Variants in KHDRBS2 observed in about 807,000 individuals in gnomAD.
The protein encoded by KHDRBS2 is KH domain-containing, RNA-binding, signal transduction-associated protein 2.
A neutral mutation model predicts 44.3 loss-of-function variants in KHDRBS2; 26 were observed. The ratio of observed to expected loss-of-function variants is 0.59; its 90% CI spans 0.43 to 0.81. The LOEUF (loss-of-function observed/expected upper bound fraction) is 0.81, where lower values mean the gene tolerates loss of function less well. Among genes scored for constraint, KHDRBS2 ranks in the 40% least tolerant of loss-of-function variants. KHDRBS2 has a pLI of 0.00. For missense variants in KHDRBS2, 476 were observed against 433.1 expected, an observed-to-expected ratio of 1.10 and a Z score of -0.88; for synonymous variants, 194 against 151.1, an observed-to-expected ratio of 1.28 and a Z score of -2.08.
chr6:62,231,909 G>A (rs1168439817), intron 1 of KHDRBS2, among the ~76,000 whole-genome samples: 4 of 151,942 alleles, frequency 2.6e-5, no homozygotes, highest in Admixed American at 6.6e-5. Flanking sequence ...GAATTCTTAC[G>A]AAGCACTGTT....
chr6:62,059,626 A>G (rs1460242707), intron 2 of KHDRBS2, among the ~76,000 whole-genome samples: 1 of 151,752 alleles, frequency 6.6e-6, no homozygotes, highest in Non-Finnish European at 1.5e-5. Context: ...AACGTTAGAG[A>G]AAAAATTGGA....
chr6:61,851,997 G>A lies in KHDRBS2; in HGVS notation c.810+42638C>T, dbSNP rs571042937. On this transcript the variant is annotated intron_variant, in intron 6 of 8. Transcript: ENST00000281156. ...AGCACTTTGGGAGGCCGAGGCAGGC[G>A]GATCACCTGAGTTCAGGAGTTCAAG... 2.4e-4 allele frequency among the ~76,000 whole-genome samples: 37 copies of A among 152,058 alleles called. No homozygotes were observed. The Middle Eastern group carries it at 0.01, about 42-fold the overall frequency.
At chr6:61,711,452 G>C (rs1450706713) in intron 7 of KHDRBS2, among the ~76,000 whole-genome samples, 1 of 151,674 alleles carries the variant, frequency 6.6e-6, no homozygotes, top group Non-Finnish European at 1.5e-5. Flanking sequence ...AGATAAATGT[G>C]CATTTCTAGG....
At chr6:61,778,712 C>T (rs992983669) in intron 6 of KHDRBS2, among the ~76,000 whole-genome samples, 2 of 152,122 alleles carry the variant, frequency 1.3e-5, no homozygotes, top group Non-Finnish European at 2.9e-5. Flanking sequence ...TCCATCAGTC[C>T]TAAATGACAT....
intron 1 of KHDRBS2, among the ~76,000 whole-genome samples, chr6:62,196,297 C>A (rs1477830833): frequency 1.1e-4 from 17 of 152,118 alleles, no homozygotes; most frequent in Admixed American, 5.2e-4. Context: ...TCTACTATGA[C>A]AAATAGACCT....
At chr6:61,746,309 G>GC (rs1289986791) in intron 6 of KHDRBS2, among the ~76,000 whole-genome samples, 1 of 151,836 alleles carries the variant, frequency 6.6e-6, no homozygotes, top group Admixed American at 6.6e-5. Flanking sequence ...CCCTCCCCTT[G>GC]CCCCCCATCC....
At chr6:61,802,525 G>A (rs1454499461) in intron 6 of KHDRBS2, among the ~76,000 whole-genome samples, 6 of 152,082 alleles carry the variant, frequency 3.9e-5, no homozygotes, top group Non-Finnish European at 8.8e-5. Flanking sequence ...TTTGATGTTA[G>A]AACTAAGGAC....
chr6:62,135,306 C>T (rs1811268076), intron 2 of KHDRBS2, among the ~76,000 whole-genome samples: 1 of 152,146 alleles, frequency 6.6e-6, no homozygotes, highest in Non-Finnish European at 1.5e-5. Context: ...ATGTAAGACA[C>T]ACCTTTTGCC....
At chr6:62,150,050 C>T (rs1814791079) in intron 2 of KHDRBS2, among the ~76,000 whole-genome samples, 1 of 152,068 alleles carries the variant, frequency 6.6e-6, no homozygotes. Context: ...ATCCTGAATT[C>T]AGGCTAATCT....
intron 6 of KHDRBS2, among the ~76,000 whole-genome samples, chr6:61,733,731 G>A (rs965084753): frequency 1.3e-5 from 2 of 152,128 alleles, no homozygotes; most frequent in African/African-American, 4.8e-5. Context: ...TGTCATAGCA[G>A]CATGTTCAAA....
At chr6:61,717,918 T>C (rs1771717275) in intron 7 of KHDRBS2, among the ~76,000 whole-genome samples, 1 of 152,126 alleles carries the variant, frequency 6.6e-6, no homozygotes, top group South Asian at 2.1e-4. Context: ...GGTTTTCAGG[T>C]AGTAGTATCT....
chr6:62,068,270 A>G (rs1018166669), intron 2 of KHDRBS2, among the ~76,000 whole-genome samples: 66 of 151,750 alleles, frequency 4.3e-4, no homozygotes, highest in South Asian at 2.7e-3. Context: ...TGACTGATGG[A>G]AAATGATATT....
At chr6:62,235,020 A>G (rs1297638883) in intron 1 of KHDRBS2, among the ~76,000 whole-genome samples, 2 of 150,728 alleles carry the variant, frequency 1.3e-5, no homozygotes, top group African/African-American at 2.4e-5. Flanking sequence ...AACTTATTCT[A>G]TTAAATGATA....
intron 6 of KHDRBS2, among the ~76,000 whole-genome samples, chr6:61,806,391 G>T (rs996452879): frequency 6.6e-6 from 1 of 152,076 alleles, no homozygotes; most frequent in Non-Finnish European, 1.5e-5. Context: ...ACATAAAAAT[G>T]GAGAGATGCC....
chr6:61,981,826 AGT>A (rs1773903508), intron 3 of KHDRBS2, among the ~76,000 whole-genome samples: 4 of 152,280 alleles, frequency 2.6e-5, no homozygotes, highest in African/African-American at 9.6e-5. Flanking sequence ...AAATAAGAAG[AGT>A]TACTTAAATT....
At chr6:61,804,761 T>C (rs772415525) in intron 6 of KHDRBS2, among the ~76,000 whole-genome samples, 18 of 152,164 alleles carry the variant, frequency 1.2e-4, no homozygotes, top group Non-Finnish European at 2.2e-4. Context: ...CTTTTAGCCA[T>C]GGCTGGGATG....
chr6:61,953,428 T>C (rs1472549634), intron 4 of KHDRBS2, among the ~76,000 whole-genome samples: 1 of 152,048 alleles, frequency 6.6e-6, no homozygotes, highest in Non-Finnish European at 1.5e-5. Context: ...GCTTGTTACA[T>C]GCAGTGATAT....
At chr6:61,673,505 G>C in the KHDRBS2 span, among the ~76,000 whole-genome samples, 20 of 149,276 alleles carry the variant, frequency 1.3e-4, no homozygotes, top group Non-Finnish European at 2.1e-4. Context: ...CAGACGACAT[G>C]ATTGTATATC....
intron 1 of KHDRBS2, among the ~76,000 whole-genome samples, chr6:62,194,480 CTTTTTTTTTTTTTTTTTTTTTTTTTT>C (rs70996208): frequency 1.4e-5 from 1 of 69,774 alleles, no homozygotes; most frequent in African/African-American, 6.5e-5. Flanking sequence ...TCTTTTCTTC[CTTTTTTTTTTTTTTTTTTTTTTTTTT>C]TTTTTTTTTT....
Sources: allele counts gnomAD v4.1 joint callset (sites outside exome capture counted in the v4.1 genomes callset), GRCh38; gene constraint gnomAD v4.1.1; transcripts MANE v1.5; gene names NCBI Gene and HGNC (gene_info 2026-07-23, HGNC 2026-07-21).